The following PLA2R1 variants were observed in gnomAD, a reference collection of about 807,000 sequenced individuals.
The protein encoded by PLA2R1 is secretory phospholipase A2 receptor.
In PLA2R1, 158 loss-of-function variants were observed where a neutral mutation model predicts 195.9. The ratio of observed to expected loss-of-function variants is 0.81; its 90% CI spans 0.71 to 0.92. The LOEUF (loss-of-function observed/expected upper bound fraction) is 0.92, where lower values mean the gene tolerates loss of function less well. Ranked by LOEUF, PLA2R1 falls within the 40% of genes least tolerant of loss-of-function variation. The pLI is 0.00. For missense variants in PLA2R1, 1,626 were observed against 1,764.6 expected (o/e 0.92, Z 1.41); for synonymous variants, 586 against 598.2 (o/e 0.98, Z 0.30).
At chr2:160,061,575 A>T (rs1177445394) in intron 1 of PLA2R1, among the ~76,000 whole-genome samples, 1 of 151,982 alleles carries the variant, frequency 6.6e-6, no homozygotes, top group East Asian at 1.9e-4. Context: ...GGAGTTGGAG[A>T]CCAGCCTGGG....
intron 3 of PLA2R1, among the ~76,000 whole-genome samples, chr2:160,035,303 T>A (rs925467674): frequency 6.6e-6 from 1 of 152,220 alleles, no homozygotes; most frequent in African/African-American, 2.4e-5. Flanking sequence ...AATGTTGTCA[T>A]AGACACTGTG....
intron 19 of PLA2R1, among the ~76,000 whole-genome samples, chr2:159,968,955 T>C (rs1688961902): frequency 1.3e-5 from 2 of 152,198 alleles, no homozygotes; most frequent in Admixed American, 6.5e-5. Flanking sequence ...TGAAATACCA[T>C]AGAAAAAAGT....
At chr2:160,001,116 A>G (rs1691563810) in intron 11 of PLA2R1, among the ~76,000 whole-genome samples, 1 of 152,154 alleles carries the variant, frequency 6.6e-6, no homozygotes, top group Non-Finnish European at 1.5e-5. Flanking sequence ...GAATACATCT[A>G]AACAAATATT....
intron 16 of PLA2R1, 110 bp from the exon 17 acceptor site, chr2:159,976,335 C>A: frequency 2.9e-6 from 2 of 683,978 alleles, no homozygotes; most frequent in Non-Finnish European, 4.9e-6. Context: ...TATACACACA[C>A]ACAGGAATTT....
chr2:160,022,692 C>T lies in PLA2R1; in HGVS notation c.1267G>A (p.Glu423Lys). 6.2e-7 allele frequency: 1 copy of T among 1,603,920 alleles called. No individual in the cohort carries two copies. Among genetic ancestry groups the T allele is most frequent in the Non-Finnish European group, 8.5e-7 (1 of 1,174,196 alleles). ...TCTCCAAGGAGGGTTACAAGAAACT[C>T]CACCTCTGCTAATGAGGTTATGTCT... ...LIDITSLAEV[E>K]FLVTLLGDEN... Residue 423 changes from glutamate (E) to lysine (K), a missense_variant, in exon 7 of 30, where the codon GAG becomes AAG. Physicochemically the swap from Glu to Lys is moderately conservative, Grantham distance 56 (BLOSUM62 1). Transcript: ENST00000283243.
chr2:159,951,671 T>A (rs1238959730), intron 23 of PLA2R1, 93 bp from the exon 24 acceptor site: 2 of 721,796 alleles, frequency 2.8e-6, no homozygotes, highest in Non-Finnish European at 5.0e-6. Flanking sequence ...CTATGATCCA[T>A]GTTGATCAGA....
intron 17 of PLA2R1, among the ~76,000 whole-genome samples, chr2:159,972,518 T>C (rs1421022294): frequency 6.6e-6 from 1 of 152,220 alleles, no homozygotes; most frequent in Non-Finnish European, 1.5e-5. Context: ...AGTCACTACA[T>C]TAATCCATAA....
chr2:159,984,679 CT>C (rs1479924797), intron 12 of PLA2R1, among the ~76,000 whole-genome samples: 1 of 152,212 alleles, frequency 6.6e-6, no homozygotes, highest in Non-Finnish European at 1.5e-5. Flanking sequence ...AAAATCTCTG[CT>C]GCTTCTCAGC....
At chr2:159,974,139 G>A (rs1042692241) in intron 17 of PLA2R1, among the ~76,000 whole-genome samples, 6 of 152,170 alleles carry the variant, frequency 3.9e-5, no homozygotes, top group African/African-American at 1.2e-4. Context: ...TGTCTGAGAC[G>A]AAGCTGGCAG....
intron 1 of PLA2R1, among the ~76,000 whole-genome samples, chr2:160,060,374 T>C (rs1350795556): frequency 6.6e-6 from 1 of 152,172 alleles, no homozygotes; most frequent in African/African-American, 2.4e-5. Context: ...TTCTTTTCAA[T>C]GTTAAGATTT....
At chr2:159,930,662 G>A (rs761071937), downstream of PLA2R1, among the ~76,000 whole-genome samples, 17 of 152,102 alleles carry the variant, frequency 1.1e-4, no homozygotes, top group Non-Finnish European at 1.8e-4. Flanking sequence ...TGGTGAACAC[G>A]GAAATGAAAT....
intron 12 of PLA2R1, among the ~76,000 whole-genome samples, chr2:159,986,016 A>C (rs1486107974): frequency 6.6e-6 from 1 of 152,012 alleles, no homozygotes; most frequent in Non-Finnish European, 1.5e-5. Flanking sequence ...GGGAGCCCTC[A>C]GCTGTCATGC....
chr2:159,953,389 G>C (rs186477992), intron 23 of PLA2R1, among the ~76,000 whole-genome samples: 4 of 152,388 alleles, frequency 2.6e-5, no homozygotes, highest in African/African-American at 9.6e-5. Flanking sequence ...AAACAGAGAA[G>C]AGGAGCAGAA....
rs776367782 is a variant in PLA2R1, at chr2:160,042,226, A to C, written c.494-28T>G. The C allele has an allele frequency of 2.5e-6, 4 of 1,593,514 alleles. No individual in the cohort carries two copies. In the Admixed American group the frequency reaches 5.0e-5, roughly 20 times the overall value. ...AGGAGAAAGAAATGTACAAAGTCAG[A>C]TAAGTATGATGTCAGCTTTATCTTT... On this transcript the variant is annotated intron_variant, in intron 2 of 29. Transcript: ENST00000283243.
rs573642825 is a variant in PLA2R1 at position 160,004,909 on chromosome 2, T to A, written c.1834+743A>T. On this transcript the variant is annotated intron_variant, in intron 11 of 29. Transcript: ENST00000283243. ...GAGCTGTTAACGCTGGAATCCTGGC[T>A]AAGGTACCCCAGGCAGTGACTGTGA... Among the ~76,000 whole-genome samples, 97 of 152,300 alleles carry A rather than the reference T, an allele frequency of 6.4e-4. No homozygotes were observed. The Middle Eastern group carries it at 0.01, about 16-fold the overall frequency.
chr2:160,001,136 G>T (rs17829873), intron 11 of PLA2R1, among the ~76,000 whole-genome samples: 39,146 of 151,926 alleles, frequency 0.26, 6,725 homozygotes, highest in Non-Finnish European at 0.39. Flanking sequence ...TCATTGCAAA[G>T]ATAACAACAA....
chr2:160,061,390 A>G (rs4665148), intron 1 of PLA2R1, among the ~76,000 whole-genome samples: 45,807 of 151,994 alleles, frequency 0.3, 8,695 homozygotes, highest in Non-Finnish European at 0.42. Flanking sequence ...GCTGAATTGA[A>G]CCCCGTTTTT....
At chr2:160,041,842 T>C (rs1032571394) in intron 3 of PLA2R1, among the ~76,000 whole-genome samples, 183 bp downstream of exon 3, 3 of 152,226 alleles carry the variant, frequency 2.0e-5, no homozygotes, top group African/African-American at 7.2e-5. Flanking sequence ...GCAAAAAGAA[T>C]ATATATTAGA....
chr2:159,926,789 T>C, the PLA2R1 span, among the ~76,000 whole-genome samples: 2 of 152,098 alleles, frequency 1.3e-5, no homozygotes, highest in Non-Finnish European at 2.9e-5. Flanking sequence ...CCCAGCTCCA[T>C]GGAGCAGGGA....
Sources: allele counts gnomAD v4.1 joint callset (sites outside exome capture counted in the v4.1 genomes callset), GRCh38; gene constraint gnomAD v4.1.1; transcripts MANE v1.5; gene names NCBI Gene and HGNC (gene_info 2026-07-23, HGNC 2026-07-21).